Variants in IFT43 observed in about 807,000 individuals in gnomAD.
The protein encoded by IFT43 is intraflagellar transport protein 43 homolog.
A neutral mutation model predicts 32.3 loss-of-function variants in IFT43; 33 were observed. The observed-to-expected ratio is 1.02, with a 90% CI of 0.77 to 1.37. IFT43 has a LOEUF of 1.37. Among genes scored for constraint, IFT43 ranks in the 40% most tolerant of loss-of-function variants. The probability of loss-of-function intolerance (pLI) is 0.00; values close to 1 mark genes in which losing one functional copy is unlikely to be tolerated. For synonymous variants in IFT43, 93 were observed against 98.2 expected (o/e 0.95, Z 0.31); for missense variants, 274 against 265.9 (o/e 1.03, Z -0.21).
intron 2 of IFT43, among the ~76,000 whole-genome samples, chr14:76,019,610 T>C (rs1409145540): frequency 6.6e-6 from 1 of 152,202 alleles, no homozygotes; most frequent in Non-Finnish European, 1.5e-5. Context: ...AATATCTATA[T>C]CTCTTTCAAG....
intron 5 of IFT43, among the ~76,000 whole-genome samples, chr14:76,074,284 C>T (rs1329190472): frequency 1.3e-5 from 2 of 152,128 alleles, no homozygotes; most frequent in Non-Finnish European, 2.9e-5. Flanking sequence ...CCTCAGCTTC[C>T]GTTCCTTCTA....
chr14:75,986,138 G>A, intron 1 of IFT43: 1 of 1,385,338 alleles, frequency 7.2e-7, no homozygotes, highest in Non-Finnish European at 9.5e-7. Context: ...CCCCGAGTGC[G>A]AACTTCCCCA....
In IFT43 at chr14:76,079,520, T is replaced by G. The variant is rs563400118; in HGVS notation, c.296-2775T>G. Among the ~76,000 whole-genome samples the G allele has an allele frequency of 1.2e-4, 19 of 152,278 alleles. No individual in the cohort carries two copies. In the South Asian group the frequency reaches 3.9e-3, roughly 32 times the overall value. On this transcript the variant is annotated intron_variant, in intron 5 of 8. Transcript: ENST00000314067. ...AACTAGTAGGTCGTGGAGCCGGGAT[T>G]TGGAGTGGACCCTCCTTCCTCCAGA...
intron 2 of IFT43, among the ~76,000 whole-genome samples, chr14:75,993,408 A>G (rs1311599809): frequency 6.6e-6 from 1 of 152,218 alleles, no homozygotes; most frequent in African/African-American, 2.4e-5. Context: ...CTGATAGCTT[A>G]CATGCATCCA....
chr14:76,063,306 G>A (rs2037175926), intron 5 of IFT43, among the ~76,000 whole-genome samples: 1 of 152,210 alleles, frequency 6.6e-6, no homozygotes, highest in Non-Finnish European at 1.5e-5. Context: ...TTGTGCTCAA[G>A]TCTGCCCAGG....
At chr14:76,043,737 A>G (rs1035868928) in intron 3 of IFT43, among the ~76,000 whole-genome samples, 3 of 152,230 alleles carry the variant, frequency 2.0e-5, no homozygotes, top group South Asian at 2.1e-4. Context: ...TCCATACACT[A>G]TAGCCAGTTC....
intron 5 of IFT43, among the ~76,000 whole-genome samples, chr14:76,066,133 AT>A (rs1314664704): frequency 6.6e-6 from 1 of 152,238 alleles, no homozygotes; most frequent in East Asian, 1.9e-4. Context: ...CAGATTTGTA[AT>A]ATAGAGTGCC....
At chr14:76,042,897 C>T (rs571824292) in intron 3 of IFT43, among the ~76,000 whole-genome samples, 3 of 152,198 alleles carry the variant, frequency 2.0e-5, no homozygotes, top group African/African-American at 4.8e-5. Flanking sequence ...CATGTTAAAT[C>T]GGGTTAGGTT....
intron 2 of IFT43, among the ~76,000 whole-genome samples, chr14:76,003,455 G>A (rs758184540): frequency 2.6e-5 from 4 of 151,980 alleles, no homozygotes; most frequent in East Asian, 1.9e-4. Flanking sequence ...GTGAAACCCC[G>A]TCTCTACTAA....
chr14:76,081,856 C>T (rs866529325), intron 5 of IFT43, among the ~76,000 whole-genome samples: 22 of 152,192 alleles, frequency 1.4e-4, no homozygotes, highest in Admixed American at 1.0e-3. Flanking sequence ...GCACTCACTG[C>T]GGCATCCGCT....
chr14:76,073,575 C>T (rs1231922363), intron 5 of IFT43, among the ~76,000 whole-genome samples: 2 of 152,044 alleles, frequency 1.3e-5, no homozygotes, highest in African/African-American at 2.4e-5. Context: ...CAGAGATGTC[C>T]GGTGTGTGTG....
At chr14:76,059,185 G>A in intron 4 of IFT43, 142 bp from the exon 5 acceptor site, 5 of 1,586,482 alleles carry the variant, frequency 3.2e-6, no homozygotes, top group South Asian at 2.3e-5. Flanking sequence ...GGCCTAATTA[G>A]GTTTGACTAA....
intron 5 of IFT43, among the ~76,000 whole-genome samples, chr14:76,069,990 A>G (rs1244786061): frequency 2.6e-5 from 4 of 152,236 alleles, no homozygotes; most frequent in Admixed American, 6.5e-5. Context: ...TTCCTAAAGG[A>G]CAAGCTGGGT....
chr14:76,041,374 GA>G (rs2036703666), intron 3 of IFT43, among the ~76,000 whole-genome samples: 1 of 152,204 alleles, frequency 6.6e-6, no homozygotes, highest in Non-Finnish European at 1.5e-5. Context: ...GCCACCTATG[GA>G]ATATTCCTTT....
chr14:76,082,221 T>C lies in IFT43; in HGVS notation c.296-74T>C. ...CCATGGCTGGTGTGTTGAAGGGGAATGAGTAAGAAGTGGAGAAGCAGGCAC... is the reference window on the plus strand; with the variant it reads ...CCATGGCTGGTGTGTTGAAGGGGAACGAGTAAGAAGTGGAGAAGCAGGCAC... On this transcript the variant is annotated intron_variant, in intron 5 of 8. Coordinates refer to ENST00000314067, the MANE Select transcript of IFT43 (RefSeq NM_001102564.3). 3.7e-6 allele frequency: 5 copies of C among 1,337,742 alleles called. No individual in the cohort carries two copies. In the South Asian group the frequency reaches 5.8e-5, roughly 16 times the overall value. 82.9% of individuals were successfully genotyped at this position (1,337,742 alleles called of 1,614,324 possible). A position where few individuals can be genotyped will look rare whatever the true frequency, so the allele number is the denominator to read the frequency against.
At chr14:76,008,896 T>C (rs1246833393) in intron 2 of IFT43, among the ~76,000 whole-genome samples, 1 of 152,200 alleles carries the variant, frequency 6.6e-6, no homozygotes, top group Non-Finnish European at 1.5e-5. Context: ...CTCAATCTAA[T>C]CCTTGACTTG....
chr14:75,986,351 G>A, intron 1 of IFT43: 1 of 1,149,986 alleles, frequency 8.7e-7, no homozygotes, highest in Non-Finnish European at 1.1e-6. Flanking sequence ...AGTTACCTCA[G>A]TAGTTAAGGA....
intron 2 of IFT43, among the ~76,000 whole-genome samples, chr14:76,004,408 C>T (rs1365379262): frequency 6.6e-6 from 1 of 151,578 alleles, no homozygotes; most frequent in Non-Finnish European, 1.5e-5. Flanking sequence ...CCCGATTGTT[C>T]TGTATGTAAG....
intron 3 of IFT43, among the ~76,000 whole-genome samples, chr14:76,032,961 G>A (rs951791925): frequency 3.9e-5 from 6 of 152,180 alleles, no homozygotes; most frequent in Admixed American, 3.3e-4. Flanking sequence ...AAGGCAGGAG[G>A]GACCTGATTT....
Sources: gnomAD v4.1 joint callset for allele counts (sites outside exome capture counted in the v4.1 genomes callset) on GRCh38, gnomAD v4.1.1 for gene constraint, MANE v1.5 for transcripts, NCBI Gene and HGNC (gene_info 2026-07-23, HGNC 2026-07-21) for gene names.